Variants in BDP1 observed in about 807,000 individuals in gnomAD.
The protein encoded by BDP1 is transcription factor TFIIIB component B'' homolog.
BDP1 carries 169 observed loss-of-function variants against 266.6 expected under a neutral mutation model. The ratio of observed to expected loss-of-function variants is 0.63; its 90% CI spans 0.56 to 0.72. BDP1 has a LOEUF of 0.72. Among genes scored for constraint, BDP1 ranks in the 30% least tolerant of loss-of-function variants. BDP1 has a pLI of 0.00. For missense variants in BDP1, 3,015 were observed against 3,053.8 expected (o/e 0.99, Z 0.30); for synonymous variants, 1,090 against 1,022.4 (o/e 1.07, Z -1.26).
chr5:71,560,405 T>TA (rs1743557778), intron 37 of BDP1, among the ~76,000 whole-genome samples, 168 bp downstream of exon 37: 1 of 152,230 alleles, frequency 6.6e-6, no homozygotes, highest in African/African-American at 2.4e-5. Flanking sequence ...ATATTGCAGA[T>TA]ACACATTCTG....
intron 13 of BDP1, among the ~76,000 whole-genome samples, chr5:71,499,431 A>G (rs572837058): frequency 1.3e-4 from 20 of 152,232 alleles, no homozygotes; most frequent in Non-Finnish European, 2.4e-4. Context: ...AGCCTGGCCA[A>G]CATGGCGAAA....
chr5:71,524,787 C>T (rs188751536), intron 25 of BDP1, among the ~76,000 whole-genome samples: 8,633 of 149,278 alleles, frequency 0.058, 180 homozygotes, highest in East Asian at 0.11. Flanking sequence ...TGCGGCCTTC[C>T]GCAGTGTTTG....
the BDP1 span, among the ~76,000 whole-genome samples, chr5:71,574,917 T>C: frequency 6.6e-6 from 1 of 152,232 alleles, no homozygotes; most frequent in Non-Finnish European, 1.5e-5. Flanking sequence ...CTTATGGATA[T>C]GGGAGCTGAT....
chr5:71,462,058 G>T, intron 3 of BDP1, 132 bp downstream of exon 3: 1 of 587,334 alleles, frequency 1.7e-6, no homozygotes. Flanking sequence ...TGCCTCCCAG[G>T]TTCAAGCGAT....
In BDP1 at chr5:71,510,236, A is replaced by G. The variant is rs370191842; in HGVS notation, c.3144A>G (p.Glu1048=). ...CTGAAAGAGAAGTATCCCCACAGGA[A>G]AATGGACTAGAGGAGGTCAAGCCTC... ...EETEREVSPQ[E]NGLEEVKPLG... The change falls in exon 17 of 39, where the codon GAA becomes GAG. Residue 1048 remains glutamate (E), a synonymous_variant. Transcript: ENST00000358731. 5.6e-6 allele frequency: 9 copies of G among 1,613,842 alleles called. No homozygotes were observed. In the African/African-American group the frequency reaches 1.1e-4, roughly 19 times the overall value.
chr5:71,501,710 A>G, intron 14 of BDP1, 57 bp downstream of exon 14: 1 of 1,000,642 alleles, frequency 1.0e-6, no homozygotes, highest in Non-Finnish European at 1.5e-6. Context: ...CTTAGGAATG[A>G]TGGTAATAAT....
At chr5:71,541,432 T>TA in intron 28 of BDP1, 22 bp from the exon 29 acceptor site, 2 of 1,018,296 alleles carry the variant, frequency 2.0e-6, no homozygotes, top group Non-Finnish European at 2.8e-6. Flanking sequence ...ATTTTAATTT[T>TA]GTTTTTTTTT....
intron 10 of BDP1, 99 bp downstream of exon 10, chr5:71,489,781 T>C (rs1288246863): frequency 3.0e-6 from 3 of 1,004,872 alleles, no homozygotes; most frequent in Non-Finnish European, 4.4e-6. Flanking sequence ...TAGCAATTAA[T>C]GATGCTTATT....
chr5:71,559,084 G>A (rs1743440315), intron 36 of BDP1, among the ~76,000 whole-genome samples: 1 of 151,956 alleles, frequency 6.6e-6, no homozygotes, highest in Admixed American at 6.6e-5. Context: ...AACCCGGGAG[G>A]CAGAGGTTGC....
At chr5:71,526,704 T>TTTTA (rs1765909818) in intron 25 of BDP1, among the ~76,000 whole-genome samples, 1 of 148,400 alleles carries the variant, frequency 6.7e-6, no homozygotes, top group Non-Finnish European at 1.5e-5. Context: ...TTTTTTTTTT[T>TTTTA]AAAGACGGGG....
At position 71,517,049 on chromosome 5, in the gene BDP1, A is replaced by G. The variant is rs114539888; in HGVS notation, c.4861-273A>G. Among the ~76,000 whole-genome samples the G allele has an allele frequency of 1.0e-2, 1,519 of 152,318 alleles. 29 individuals are homozygous for G. Among genetic ancestry groups the G allele is most frequent in the African/African-American group, 0.034 (1,431 of 41,558 alleles). ...TTTGGCAACAGAATGTGAACATTAC[A>G]TATCCAGTTTGAATCTAATTTTAAA... On this transcript the variant is annotated intron_variant, in intron 21 of 38. Coordinates refer to ENST00000358731, the MANE Select transcript of BDP1 (RefSeq NM_018429.3).
chr5:71,473,262 A>ATTTTT (rs869174435), intron 7 of BDP1, among the ~76,000 whole-genome samples: 10 of 59,974 alleles, frequency 1.7e-4, no homozygotes, highest in African/African-American at 3.5e-4. Flanking sequence ...TCTTAATGTA[A>ATTTTT]TTTTTTTTTT....
intron 32 of BDP1, chr5:71,545,488 C>G: frequency 2.4e-6 from 1 of 423,532 alleles, no homozygotes. Context: ...TGTGTCACCA[C>G]AGCCAGCTAG....
intron 35 of BDP1, among the ~76,000 whole-genome samples, chr5:71,553,624 G>A (rs1743009229): frequency 6.6e-6 from 1 of 152,090 alleles, no homozygotes; most frequent in South Asian, 2.1e-4. Flanking sequence ...CCTAGTAGCT[G>A]TAACACCTTA....
At chr5:71,525,682 G>GT (rs1230867756) in intron 25 of BDP1, among the ~76,000 whole-genome samples, 1 of 144,970 alleles carries the variant, frequency 6.9e-6, no homozygotes, top group Non-Finnish European at 1.5e-5. Flanking sequence ...TGGCCGGGCG[G>GT]GGGGCTGACC....
In BDP1 at chr5:71,509,557, C is replaced by T. The variant is rs770951962; in HGVS notation, c.2465C>T (p.Thr822Ile). The T allele has an allele frequency of 5.6e-6, 9 of 1,613,288 alleles. No homozygotes were observed. The South Asian group carries it at 8.8e-5, about 16-fold the overall frequency. The change falls in exon 17 of 39, where the codon ACT (threonine) becomes ATT (isoleucine). Residue 822 changes from threonine to isoleucine, a missense_variant. This residue lies in a region of BDP1 where 2,383 missense variants were observed against 2,404.9 expected (regional missense o/e 0.99). Transcript: ENST00000358731. Reference sequence around the variant, plus strand: ...CCAAAGCCAAATATAGGAAGAGGAACTGGAAGGAGAGAAATTTCCTCAAAG... The same window carrying T: ...CCAAAGCCAAATATAGGAAGAGGAATTGGAAGGAGAGAAATTTCCTCAAAG... ...QKPKPNIGRG[T>I]GRREISSKEE...
At chr5:71,522,990 A>C (rs1441957928) in intron 24 of BDP1, 41 bp downstream of exon 24, 2 of 1,502,710 alleles carry the variant, frequency 1.3e-6, no homozygotes, top group Non-Finnish European at 1.8e-6. Context: ...ATAAGAAATA[A>C]AAATCACTTA....
At chr5:71,471,369 T>C (rs1762240713) in intron 7 of BDP1, among the ~76,000 whole-genome samples, 1 of 152,142 alleles carries the variant, frequency 6.6e-6, no homozygotes, top group South Asian at 2.1e-4. Context: ...CTTGAACTCT[T>C]GACCTCTGGT....
At chr5:71,507,850 C>T (rs1764667396) in intron 16 of BDP1, among the ~76,000 whole-genome samples, 1 of 152,162 alleles carries the variant, frequency 6.6e-6, no homozygotes, top group African/African-American at 2.4e-5. Context: ...AATCTTATTC[C>T]TAAGGACCTG....
Sources: allele counts gnomAD v4.1 joint callset (sites outside exome capture counted in the v4.1 genomes callset), GRCh38; gene constraint gnomAD v4.1.1; regional missense constraint gnomAD v4.1.1; transcripts MANE v1.5; gene names NCBI Gene and HGNC (gene_info 2026-07-23, HGNC 2026-07-21).